The following SLC6A2 variants were observed in gnomAD, a reference collection of about 807,000 sequenced individuals.
SLC6A2 encodes the protein sodium-dependent noradrenaline transporter.
Under a neutral mutation model 71.7 loss-of-function variants are expected in SLC6A2, and 26 were observed. The observed-to-expected ratio is 0.36, with a 90% CI of 0.27 to 0.50. SLC6A2 has a LOEUF of 0.50. SLC6A2 is among the 20% of genes least tolerant of loss of function. The pLI, the probability that SLC6A2 is intolerant of heterozygous loss-of-function variation, is 0.96. For synonymous variants in SLC6A2, 363 were observed against 337.9 expected (o/e 1.07, Z -0.82); for missense variants, 581 against 803.9 (o/e 0.72, Z 3.35).
chr16:55,705,885 C>A lies in SLC6A2; in HGVS notation c.*3539C>A, dbSNP rs565506493. On this transcript the variant is annotated 3_prime_UTR_variant, in exon 15 of 15. Coordinates refer to ENST00000568943, the MANE Select transcript of SLC6A2 (RefSeq NM_001172501.3). Reference sequence around the variant, plus strand: ...ACTTGGTATTTGTTTTTAATCCAACCCTTTTGTTTTGAGGCTTTGGAGGGT... The same window carrying A: ...ACTTGGTATTTGTTTTTAATCCAACACTTTTGTTTTGAGGCTTTGGAGGGT... 2.0e-5 allele frequency: 3 copies of A among 152,298 alleles called. No homozygotes were observed. The highest frequency in any genetic ancestry group is 4.4e-5 in the Non-Finnish European group (3 of 68,042). 9.4% of individuals were successfully genotyped at this position (152,298 alleles called of 1,614,324 possible).
intron 2 of SLC6A2, among the ~76,000 whole-genome samples, chr16:55,664,280 A>G (rs1203723032): frequency 6.6e-6 from 1 of 152,120 alleles, no homozygotes; most frequent in East Asian, 1.9e-4. Context: ...CCTTCATGCC[A>G]TCCTTCATGC....
intron 4 of SLC6A2, among the ~76,000 whole-genome samples, chr16:55,680,298 G>C (rs765395462): frequency 2.0e-5 from 3 of 152,138 alleles, no homozygotes; most frequent in Admixed American, 2.0e-4. Flanking sequence ...TATTAGTCAG[G>C]GTTCTCTAGA....
Position 55,703,780 on chromosome 16 carries a change from G to A in SLC6A2, c.*1434G>A, listed in dbSNP as rs1361219557. On this transcript the variant is annotated 3_prime_UTR_variant, in exon 15 of 15. Coordinates refer to ENST00000568943, the MANE Select transcript of SLC6A2 (RefSeq NM_001172501.3). ...AAAAAATAAAGAAGCCGCTGCATTC[G>A]CACGTCAAGAAGGTGCTTTGCCTCA... 1.0e-5 allele frequency: 10 copies of A among 985,370 alleles called. No individual in the cohort carries two copies. The highest frequency in any genetic ancestry group is 5.2e-4 in the Middle Eastern group (1 of 1,914). The allele number at this position is 985,370 out of a possible 1,614,324, so 61.0% of individuals were successfully genotyped here.
At chr16:55,672,278 A>G in intron 4 of SLC6A2, 103 bp downstream of exon 4, 1 of 1,597,594 alleles carries the variant, frequency 6.3e-7, no homozygotes, top group Non-Finnish European at 8.5e-7. Flanking sequence ...GCATGCCGTC[A>G]GGATATTAAT....
At chr16:55,679,416 G>T (rs1193381982) in intron 4 of SLC6A2, among the ~76,000 whole-genome samples, 2 of 151,992 alleles carry the variant, frequency 1.3e-5, no homozygotes, top group African/African-American at 4.8e-5. Flanking sequence ...TAGCAGAGAG[G>T]CGGTTTCACC....
rs1365599231 is a variant in SLC6A2, at chr16:55,700,145, G to T, written c.1597G>T (p.Val533Phe). Residue 533 changes from valine (V) to phenylalanine (F), a missense_variant, in exon 13 of 15, where the codon GTT becomes TTT. Transcript: ENST00000568943. ...FVSPAFLLFV[V>F]VVSIINFKPL... Reference sequence around the variant, plus strand: ...CTTCTCTGCCCATCTCTAGTTCGTGGTTGTGGTCAGCATCATCAACTTCAA... The same window carrying T: ...CTTCTCTGCCCATCTCTAGTTCGTGTTTGTGGTCAGCATCATCAACTTCAA... 1 of 1,613,604 alleles carries T rather than the reference G, an allele frequency of 6.2e-7. No individual in the cohort carries two copies. Among genetic ancestry groups the T allele is most frequent in the African/African-American group, 1.3e-5 (1 of 74,808 alleles).
chr16:55,669,244 C>T (rs1964836932), intron 2 of SLC6A2, among the ~76,000 whole-genome samples: 2 of 152,162 alleles, frequency 1.3e-5, no homozygotes, highest in South Asian at 4.2e-4. Context: ...GTAAAGGCTA[C>T]ACCTGTGATC....
intron 2 of SLC6A2, 126 bp from the exon 3 acceptor site, chr16:55,669,439 G>C (rs1964843212): frequency 4.9e-5 from 42 of 864,236 alleles, no homozygotes; most frequent in Middle Eastern, 6.6e-4. Context: ...ATTGATTGCT[G>C]CGCGTCGCCT....
At chr16:55,680,899 A>T (rs906586628) in intron 4 of SLC6A2, among the ~76,000 whole-genome samples, 3 of 152,098 alleles carry the variant, frequency 2.0e-5, no homozygotes, top group Admixed American at 6.5e-5. Flanking sequence ...CAGGGATGGG[A>T]GCCATTCTGG....
rs559206365 is a variant in SLC6A2, at chr16:55,678,764, C to T, written c.645-6379C>T. ...TTGAGCTTTTTTAGTGTGTAGACTTCGGAAAGCCTGGACAGTACACTTAAC... is the reference window on the plus strand; with the variant it reads ...TTGAGCTTTTTTAGTGTGTAGACTTTGGAAAGCCTGGACAGTACACTTAAC... On this transcript the variant is annotated intron_variant, in intron 4 of 14. Coordinates refer to ENST00000568943, the MANE Select transcript of SLC6A2 (RefSeq NM_001172501.3). Among the ~76,000 whole-genome samples, 39 of 152,296 alleles carry T rather than the reference C, an allele frequency of 2.6e-4. 1 individual carries two copies. In the South Asian group the frequency reaches 7.1e-3, roughly 28 times the overall value.
chr16:55,664,162 G>A (rs1964684877), intron 2 of SLC6A2, among the ~76,000 whole-genome samples: 1 of 152,110 alleles, frequency 6.6e-6, no homozygotes, highest in Non-Finnish European at 1.5e-5. Flanking sequence ...CTCAGCTTCA[G>A]AACTCTTCTA....
intron 5 of SLC6A2, among the ~76,000 whole-genome samples, chr16:55,687,127 G>T (rs1313431217): frequency 0.029 from 18 of 614 alleles, no homozygotes; most frequent in Admixed American, 0.24. Flanking sequence ...ACATATGTGT[G>T]TGTCCCCATT....
chr16:55,671,875 A>G, intron 3 of SLC6A2, 63 bp from the exon 4 acceptor site: 3 of 1,611,038 alleles, frequency 1.9e-6, no homozygotes, highest in Non-Finnish European at 2.5e-6. Context: ...AGCCACACCC[A>G]AGGAGAGGTG....
At chr16:55,670,996 T>C (rs1172837261) in intron 3 of SLC6A2, among the ~76,000 whole-genome samples, 1 of 152,150 alleles carries the variant, frequency 6.6e-6, no homozygotes, top group Admixed American at 6.5e-5. Flanking sequence ...GAGCTTGTGA[T>C]ACATTGAGGA....
rs530896994 is a variant in SLC6A2, at chr16:55,682,944, G to A, written c.645-2199G>A. 1.1e-4 allele frequency among the ~76,000 whole-genome samples: 17 copies of A among 152,320 alleles called. No individual in the cohort carries two copies. The East Asian group carries it at 3.3e-3, about 29-fold the overall frequency. ...CCATGCTACGATACAAGCCCACCAAGGCAGAGTCAGGACGGTGCACGAGCA... is the reference window on the plus strand; with the variant it reads ...CCATGCTACGATACAAGCCCACCAAAGCAGAGTCAGGACGGTGCACGAGCA... On this transcript the variant is annotated intron_variant, in intron 4 of 14. Transcript: ENST00000568943.
Position 55,656,067 on chromosome 16 carries a change from C to T in SLC6A2, c.-154C>T. On this transcript the variant is annotated 5_prime_UTR_variant, in exon 1 of 15. In the 5' UTR this introduces an upstream ATG that the reference lacks. Transcript: ENST00000568943. The surrounding 1 kb of genome is among the most constrained non-coding windows in gnomAD (Gnocchi z 4.5). ...TCCCCGGCCCCGCCCGAACGCCACA[C>T]GGCGGAGCCCAGCCCCAGCCCGCGC... 6.5e-6 allele frequency: 1 copy of T among 152,744 alleles called. No homozygotes were observed. Among genetic ancestry groups the T allele is most frequent in the Non-Finnish European group, 1.5e-5 (1 of 68,416 alleles). The allele number at this position is 152,744 out of a possible 1,614,324, so 9.5% of individuals were successfully genotyped here.
chr16:55,694,434 C>A (rs1965730858), intron 7 of SLC6A2, among the ~76,000 whole-genome samples: 1 of 152,116 alleles, frequency 6.6e-6, no homozygotes, highest in Non-Finnish European at 1.5e-5. Flanking sequence ...GATGCCCAGG[C>A]AGGCAGGGGT....
At chr16:55,697,379 G>A (rs1965831519) in intron 9 of SLC6A2, among the ~76,000 whole-genome samples, 3 of 152,196 alleles carry the variant, frequency 2.0e-5, no homozygotes. Flanking sequence ...GCCCATAGCA[G>A]TGGGATATGA....
chr16:55,676,184 T>C (rs1465871360), intron 4 of SLC6A2, among the ~76,000 whole-genome samples: 1 of 152,200 alleles, frequency 6.6e-6, no homozygotes, highest in Non-Finnish European at 1.5e-5. Context: ...CGTCAAATTC[T>C]CAAATACCTC....
Sources: allele counts gnomAD v4.1 joint callset (sites outside exome capture counted in the v4.1 genomes callset), GRCh38; gene constraint gnomAD v4.1.1; non-coding constraint Gnocchi (gnomAD v3.1); transcripts MANE v1.5; gene names NCBI Gene and HGNC (gene_info 2026-07-23, HGNC 2026-07-21).